Variants in RALGAPA2 observed in about 807,000 individuals in gnomAD.
RALGAPA2 encodes the protein Ral GTPase activating protein catalytic subunit alpha 2.
In RALGAPA2, 139 loss-of-function variants were observed where a neutral mutation model predicts 230.4. The ratio of observed to expected loss-of-function variants is 0.60; its 90% CI spans 0.53 to 0.69. The LOEUF (loss-of-function observed/expected upper bound fraction) is 0.69, where lower values mean the gene tolerates loss of function less well. RALGAPA2 is among the 30% of genes least tolerant of loss of function. The pLI, the probability that RALGAPA2 is intolerant of heterozygous loss-of-function variation, is 0.00. For synonymous variants in RALGAPA2, 847 were observed against 837.8 expected, an observed-to-expected ratio of 1.01 and a Z score of -0.19; for missense variants, 2,163 against 2,276.0, an observed-to-expected ratio of 0.95 and a Z score of 1.01.
At chr20:20,659,884 T>C (rs192377500) in intron 3 of RALGAPA2, 27 of 476,132 alleles carry the variant, frequency 5.7e-5, no homozygotes, top group Middle Eastern at 7.1e-4. Flanking sequence ...ACAGTACAAC[T>C]ACACTTTCTG....
At chr20:20,535,945 G>A in intron 25 of RALGAPA2, 142 bp from the exon 26 acceptor site, 3 of 1,339,340 alleles carry the variant, frequency 2.2e-6, no homozygotes, top group Non-Finnish European at 2.9e-6. Flanking sequence ...AGAGCCTGGG[G>A]GGAAGAAGAA....
Position 20,486,151 on chromosome 20 carries a change from A to T in RALGAPA2, c.5367+8966T>A, listed in dbSNP as rs550180949. On this transcript the variant is annotated intron_variant, in intron 36 of 39. Transcript: ENST00000202677. ...TGACAGTCTGTTTCAAAAAAAGAAT[A>T]AAAAAAACAGATTTCATTTTACTTA... 3.0e-3 allele frequency among the ~76,000 whole-genome samples: 452 copies of T among 152,006 alleles called. 1 individual carries two copies. The highest frequency in any genetic ancestry group is 3.9e-3 in the Non-Finnish European group (267 of 67,970).
rs2062761869 is a variant in RALGAPA2 at position 20,513,105 on chromosome 20, T to TA, written c.4263_4264insT (p.Arg1422Ter). The TA allele has an allele frequency of 6.3e-7, 1 of 1,594,888 alleles. No homozygotes were observed. The highest frequency in any genetic ancestry group is 1.7e-5 in the Admixed American group (1 of 57,932). On this transcript the variant is annotated frameshift_variant, in exon 32 of 40. Coordinates refer to ENST00000202677, the MANE Select transcript of RALGAPA2 (RefSeq NM_020343.4). LOFTEE classifies it high-confidence loss of function. The stretch of plus-strand genomic sequence containing the variant: ...ACAAACAGCTGCAGGTTTGGACTTC[T>TA]GAACACCTCAAAGGACAGCTCGGAG...
At chr20:20,420,764 G>A (rs985931512) in intron 37 of RALGAPA2, among the ~76,000 whole-genome samples, 1 of 152,196 alleles carries the variant, frequency 6.6e-6, no homozygotes, top group Non-Finnish European at 1.5e-5. Flanking sequence ...TTGAGGAATA[G>A]TACCCTGTTT....
chr20:20,615,187 CAA>C (rs908408324), intron 13 of RALGAPA2, among the ~76,000 whole-genome samples: 3 of 144,566 alleles, frequency 2.1e-5, no homozygotes, highest in Non-Finnish European at 4.5e-5. Context: ...TTTCCCGAGA[CAA>C]GAGTCTCACT....
intron 36 of RALGAPA2, among the ~76,000 whole-genome samples, chr20:20,493,509 T>C (rs1372515224): frequency 2.0e-5 from 3 of 152,136 alleles, no homozygotes; most frequent in Admixed American, 6.5e-5. Flanking sequence ...TTTTAAAAAA[T>C]CAAAAAAATC....
intron 10 of RALGAPA2, 137 bp from the exon 11 acceptor site, chr20:20,620,767 G>A: frequency 1.5e-6 from 1 of 661,124 alleles, no homozygotes; most frequent in Non-Finnish European, 2.3e-6. Flanking sequence ...ACTACACAGG[G>A]CCACAAATCT....
intron 1 of RALGAPA2, among the ~76,000 whole-genome samples, chr20:20,701,876 C>T (rs1281335111): frequency 2.0e-5 from 3 of 151,794 alleles, no homozygotes; most frequent in African/African-American, 7.3e-5. Context: ...CCCGTCTCTA[C>T]TAAAAATACA....
At chr20:20,613,879 T>A (rs973983159) in intron 13 of RALGAPA2, among the ~76,000 whole-genome samples, 1 of 152,082 alleles carries the variant, frequency 6.6e-6, no homozygotes, top group Non-Finnish European at 1.5e-5. Flanking sequence ...CACACCCAAT[T>A]CAGGACTCTT....
chr20:20,463,976 C>T (rs985385166), intron 37 of RALGAPA2, among the ~76,000 whole-genome samples: 2 of 152,138 alleles, frequency 1.3e-5, no homozygotes, highest in South Asian at 2.1e-4. Context: ...CAAATGATTA[C>T]GGTGCAAACC....
chr20:20,630,139 T>C (rs2066623015), intron 9 of RALGAPA2, among the ~76,000 whole-genome samples: 2 of 152,178 alleles, frequency 1.3e-5, no homozygotes, highest in Admixed American at 1.3e-4. Flanking sequence ...CAAACATAAA[T>C]AAATATTCAC....
intron 10 of RALGAPA2, among the ~76,000 whole-genome samples, chr20:20,625,486 A>C (rs2066464465): frequency 6.6e-6 from 1 of 152,246 alleles, no homozygotes; most frequent in African/African-American, 2.4e-5. Flanking sequence ...CAACCTAATG[A>C]ACAAACATCC....
intron 37 of RALGAPA2, among the ~76,000 whole-genome samples, chr20:20,415,890 C>T (rs562468391): frequency 6.6e-6 from 1 of 152,264 alleles, no homozygotes; most frequent in East Asian, 1.9e-4. Flanking sequence ...GAACCTGTCC[C>T]CCAACTTTAC....
At chr20:20,591,122 T>C in intron 17 of RALGAPA2, 55 bp downstream of exon 17, 1 of 1,580,506 alleles carries the variant, frequency 6.3e-7, no homozygotes. Flanking sequence ...TATGCAGCTT[T>C]TATTCCTCTG....
At position 20,526,353 on chromosome 20, in the gene RALGAPA2, T is replaced by C. The variant is rs764751883; in HGVS notation, c.3592A>G (p.Lys1198Glu). 1.1e-5 allele frequency: 18 copies of C among 1,592,224 alleles called. No individual in the cohort carries two copies. The highest frequency in any genetic ancestry group is 1.5e-5 in the Non-Finnish European group (18 of 1,171,858). ...TCGCAAGCTACCTGGGCCACGATTT[T>C]GTTGGGAAACTATAAAAGGAAACCG... ...VIGVTLKFPN[K>E]IVAQVACDVL... The change falls in exon 28 of 40, where the codon AAA becomes GAA. Residue 1198 changes from lysine (K) to glutamate (E), a missense_variant. By Grantham distance (56) the Lys-to-Glu change is moderately conservative. Coordinates refer to ENST00000202677, the MANE Select transcript of RALGAPA2 (RefSeq NM_020343.4).
chr20:20,488,720 C>A (rs1179468094), intron 36 of RALGAPA2, among the ~76,000 whole-genome samples: 1 of 152,184 alleles, frequency 6.6e-6, no homozygotes, highest in Non-Finnish European at 1.5e-5. Context: ...CCCATTCTAT[C>A]ACTCTGCTTT....
chr20:20,406,650 A>G (rs893982292), intron 38 of RALGAPA2, among the ~76,000 whole-genome samples: 2 of 152,230 alleles, frequency 1.3e-5, no homozygotes, highest in Non-Finnish European at 2.9e-5. Flanking sequence ...AGTGGCACAC[A>G]CCTGTAATCC....
At position 20,535,783 on chromosome 20, in the gene RALGAPA2, T is replaced by G; in HGVS notation, c.3435A>C (p.Leu1145Phe). 3 of 1,548,070 alleles carry G rather than the reference T, an allele frequency of 1.9e-6. No individual in the cohort carries two copies. Among genetic ancestry groups the G allele is most frequent in the Non-Finnish European group, 2.6e-6 (3 of 1,145,402 alleles). ...TTGGTTCTTCTGTGGCATTCTTCAG[T>G]AAAATATTTATGAGGTAATGCTAAA... ...EDVKHYLINILLKNATEEPNE... is the reference protein window; with the variant it reads ...EDVKHYLINIFLKNATEEPNE... The change falls in exon 26 of 40, where the codon TTA (leucine) becomes TTC (phenylalanine). Residue 1145 changes from leucine (L) to phenylalanine (F), a missense_variant. Leu to Phe is a conservative substitution (Grantham distance 22, BLOSUM62 0). Coordinates refer to ENST00000202677, the MANE Select transcript of RALGAPA2 (RefSeq NM_020343.4).
At position 20,629,551 on chromosome 20, in the gene RALGAPA2, G is replaced by T; in HGVS notation, c.1045C>A (p.Leu349Met). 1 of 1,613,710 alleles carries T rather than the reference G, an allele frequency of 6.2e-7. No homozygotes were observed. Among genetic ancestry groups the T allele is most frequent in the Non-Finnish European group, 8.5e-7 (1 of 1,179,884 alleles). ...GGAVQERAPE[L>M]DGGGPTEQDK... The stretch of plus-strand genomic sequence containing the variant: ...TGCTCCGTGGGCCCACCACCATCCA[G>T]CTCAGGCGCTCTCTCCTGCACAGCA... The change falls in exon 10 of 40, where the codon CTG (leucine) becomes ATG (methionine). Residue 349 changes from leucine to methionine, a missense_variant. Transcript: ENST00000202677.
Sources: allele counts gnomAD v4.1 joint callset (sites outside exome capture counted in the v4.1 genomes callset), GRCh38; gene constraint gnomAD v4.1.1; transcripts MANE v1.5; gene names NCBI Gene and HGNC (gene_info 2026-07-23, HGNC 2026-07-21).